KCTD17: variants seen among roughly 807,000 people sequenced by gnomAD.
KCTD17 encodes potassium channel tetramerization domain containing 17, also known as BTB/POZ domain-containing protein KCTD17.
KCTD17 carries 20 observed loss-of-function variants against 41.5 expected under a neutral mutation model. That is an observed-to-expected ratio of 0.48 (90% CI 0.34 to 0.70). The LOEUF (loss-of-function observed/expected upper bound fraction) is 0.70, where lower values mean the gene tolerates loss of function less well. Among genes scored for constraint, KCTD17 ranks in the 30% least tolerant of loss-of-function variants. KCTD17 has a pLI of 0.01. For synonymous variants in KCTD17, 156 were observed against 173.8 expected (o/e 0.90, Z 0.80); for missense variants, 317 against 427.2 (o/e 0.74, Z 2.27).
intron 2 of KCTD17, among the ~76,000 whole-genome samples, chr22:37,054,553 G>A (rs559393631): frequency 1.3e-5 from 2 of 152,210 alleles, no homozygotes; most frequent in African/African-American, 4.8e-5. Flanking sequence ...GGCTCATCCA[G>A]GGGATAGGGG....
Position 37,056,313 on chromosome 22 carries a change from G to C in KCTD17, c.299-7G>C. ...GAGTGACCTGGGATCTGTTCTGTCT[G>C]TGCCAGGGGTCCTGGAGGAAGCCGA... On this transcript the variant is annotated splice_polypyrimidine_tract_variant and splice_region_variant and intron_variant, in intron 2 of 8. Coordinates refer to ENST00000403888, the MANE Select transcript of KCTD17 (RefSeq NM_001282684.2). The C allele has an allele frequency of 6.2e-7, 1 of 1,611,904 alleles. No individual in the cohort carries two copies. Among genetic ancestry groups the C allele is most frequent in the East Asian group, 2.2e-5 (1 of 44,840 alleles).
rs752142758 is a variant in KCTD17 at position 37,061,161 on chromosome 22, C to A, written c.770C>A (p.Pro257Gln). The A allele has an allele frequency of 6.4e-7, 1 of 1,551,026 alleles. No homozygotes were observed. The highest frequency in any genetic ancestry group is 8.7e-7 in the Non-Finnish European group (1 of 1,146,870). ...LFSLPPLPPP[P>Q]LPAGGSRPHP... ...TCCCTCCCACCACTGCCTCCTCCTC[C>A]GCTTCCCGCTGGAGGTCCTGCCTCA... Residue 257 changes from proline (P) to glutamine (Q), a missense_variant, in exon 7 of 9, where the codon CCG becomes CAG. Coordinates refer to ENST00000403888, the MANE Select transcript of KCTD17 (RefSeq NM_001282684.2). This position sits in a 1 kb window ranked among gnomAD's most constrained non-coding sequence, Gnocchi z 6.6.
At chr22:37,060,713 G>A (rs1020509107) in intron 5 of KCTD17, 110 bp from the exon 6 acceptor site, 7 of 1,400,266 alleles carry the variant, frequency 5.0e-6, no homozygotes, top group South Asian at 3.5e-5. Flanking sequence ...CCTCTCCTGA[G>A]GTCCCTTTCA....
At chr22:37,059,220 G>A in intron 4 of KCTD17, 93 bp from the exon 5 acceptor site, 1 of 1,548,200 alleles carries the variant, frequency 6.5e-7, no homozygotes. Context: ...GACCTGAGCT[G>A]GTATCTTGAT....
intron 4 of KCTD17, 69 bp from the exon 5 acceptor site, chr22:37,059,244 T>C: frequency 6.3e-7 from 1 of 1,595,482 alleles, no homozygotes. Context: ...AGTGCCGAGG[T>C]CTGTCGTATC....
At chr22:37,057,810 C>G (rs1454066004) in intron 4 of KCTD17, among the ~76,000 whole-genome samples, 1 of 152,204 alleles carries the variant, frequency 6.6e-6, no homozygotes, top group Non-Finnish European at 1.5e-5. Flanking sequence ...AAGGACAGCT[C>G]AGGTGCAAGG....
At position 37,062,562 on chromosome 22, in the gene KCTD17, G is replaced by A; in HGVS notation, c.913G>A (p.Asp305Asn). ...AGAGGCACCCGGATGTGAGGCCCCA[G>A]ATCACCTCCAGGGACTTGGGGTTCC... ...KPEAPGCEAP[D>N]HLQGLGVPI Residue 305 changes from aspartate to asparagine, a missense_variant, in exon 9 of 9, where the codon GAT becomes AAT. Physicochemically the swap from Asp to Asn is conservative, Grantham distance 23. This residue lies in a region of KCTD17 where 177 missense variants were observed against 194.4 expected (regional missense o/e 0.91). Transcript: ENST00000403888. 1 of 1,613,248 alleles carries A rather than the reference G, an allele frequency of 6.2e-7. No homozygotes were observed. The highest frequency in any genetic ancestry group is 8.5e-7 in the Non-Finnish European group (1 of 1,179,722).
At chr22:37,054,275 G>T (rs56852782) in intron 2 of KCTD17, among the ~76,000 whole-genome samples, 4,126 of 152,236 alleles carry the variant, frequency 0.027, 203 homozygotes, top group African/African-American at 0.094. Context: ...CCATCGGGAG[G>T]GAAGTAAACA....
At chr22:37,056,508 A>G (rs1925135400) in intron 3 of KCTD17, 97 bp downstream of exon 3, 2 of 1,019,238 alleles carry the variant, frequency 2.0e-6, no homozygotes, top group African/African-American at 1.6e-5. Context: ...TGGGAGAGAC[A>G]GGACCAGTGT....
intron 4 of KCTD17, 90 bp downstream of exon 4, chr22:37,057,583 C>T (rs1354590366): frequency 2.4e-5 from 24 of 999,356 alleles, no homozygotes; most frequent in Non-Finnish European, 3.5e-5. Flanking sequence ...GCAGCCCCAG[C>T]CTTGGGTTCC....
At chr22:37,058,980 G>A (rs955118832) in intron 4 of KCTD17, among the ~76,000 whole-genome samples, 6 of 152,222 alleles carry the variant, frequency 3.9e-5, no homozygotes, top group South Asian at 2.1e-4. Flanking sequence ...AGAGGCCTCC[G>A]CCTGCATTTA....
chr22:37,059,700 G>C lies in KCTD17; in HGVS notation c.612+262G>C, dbSNP rs193159692. 2.1e-3 allele frequency among the ~76,000 whole-genome samples: 326 copies of C among 152,330 alleles called. 1 individual carries two copies. Among genetic ancestry groups the C allele is most frequent in the Middle Eastern group, 6.8e-3 (2 of 294 alleles). ...GCTACATGAAGGGGGCCGCTTAGTG[G>C]CCACTGGGCACTGTGGCATGGACTA... is the stretch of plus-strand genomic sequence containing the variant. On this transcript the variant is annotated intron_variant, in intron 5 of 8. Transcript: ENST00000403888.
intron 2 of KCTD17, among the ~76,000 whole-genome samples, chr22:37,054,803 A>G (rs1053743833): frequency 2.0e-5 from 3 of 152,140 alleles, no homozygotes; most frequent in African/African-American, 7.2e-5. Context: ...AATTCTCGTA[A>G]TCAGGCAGCT....
intron 1 of KCTD17, 136 bp downstream of exon 1, chr22:37,052,085 C>G (rs1332664825): frequency 3.8e-5 from 29 of 765,462 alleles, no homozygotes; most frequent in East Asian, 4.9e-5. Context: ...CGGGAAGAAG[C>G]GGCAGGAGGA....
At position 37,053,729 on chromosome 22, in the gene KCTD17, A is replaced by G. The variant is rs1358289930; in HGVS notation, c.298+521A>G. Among the ~76,000 whole-genome samples, 2 of 152,064 alleles carry G rather than the reference A, an allele frequency of 1.3e-5. No individual in the cohort carries two copies. The highest frequency in any genetic ancestry group is 2.9e-5 in the Non-Finnish European group (2 of 67,980). On this transcript the variant is annotated intron_variant, in intron 2 of 8. Coordinates refer to ENST00000403888, the MANE Select transcript of KCTD17 (RefSeq NM_001282684.2). The surrounding 1 kb of genome is among the most constrained non-coding windows in gnomAD (Gnocchi z 4.1). ...AGTGCTGGCTGTGGGTGGAGGCAGG[A>G]GAGGGGGGAGTCTGCTTCCCAGTGG...
Position 37,061,491 on chromosome 22 carries a change from C to T in KCTD17, c.785-48C>T, listed in dbSNP as rs199630377. On this transcript the variant is annotated intron_variant, in intron 7 of 8. Coordinates refer to ENST00000403888, the MANE Select transcript of KCTD17 (RefSeq NM_001282684.2). This position sits in a 1 kb window ranked among gnomAD's most constrained non-coding sequence, Gnocchi z 6.6. ...GACTGGGCCCTGGCTGCAGGCCCTG[C>T]CCCCCCTCCTCTCCTCCCGGCCTCC... The T allele has an allele frequency of 5.7e-5, 89 of 1,564,522 alleles. No homozygotes were observed. The Admixed American group carries it at 1.6e-3, about 28-fold the overall frequency.
intron 2 of KCTD17, 103 bp from the exon 3 acceptor site, chr22:37,056,217 C>G (rs562494938): frequency 1.3e-5 from 11 of 862,602 alleles, no homozygotes; most frequent in Non-Finnish European, 2.0e-5. Flanking sequence ...ACCCTCAGGG[C>G]GGGTGATCAG....
chr22:37,052,154 G>A lies in KCTD17; in HGVS notation c.189+205G>A, dbSNP rs855796. 0.99 allele frequency: 665,794 copies of A among 670,798 alleles called. 330,434 individuals carry two copies. The highest frequency in any genetic ancestry group is 1 in the East Asian group (29,489 of 29,490). The allele number at this position is 670,798 out of a possible 1,614,324, so 41.6% of individuals were successfully genotyped here. A position where few individuals can be genotyped will look rare whatever the true frequency, so the allele number is the denominator to read the frequency against. ...GTACCCATTGCCGTGGCAACGGGAC[G>A]ACGCAGGCCGCGGCCATTAGAAGCT... On this transcript the variant is annotated intron_variant, in intron 1 of 8. Coordinates refer to ENST00000403888, the MANE Select transcript of KCTD17 (RefSeq NM_001282684.2).
chr22:37,060,346 G>A (rs977944517), intron 5 of KCTD17, among the ~76,000 whole-genome samples: 2 of 150,392 alleles, frequency 1.3e-5, no homozygotes, highest in African/African-American at 4.9e-5. Context: ...CAAGGGTGCA[G>A]AGCGAGACTG....
Sources: allele counts gnomAD v4.1 joint callset (sites outside exome capture counted in the v4.1 genomes callset), GRCh38; gene constraint gnomAD v4.1.1; regional missense constraint gnomAD v4.1.1; non-coding constraint Gnocchi (gnomAD v3.1); transcripts MANE v1.5; gene names NCBI Gene and HGNC (gene_info 2026-07-23, HGNC 2026-07-21).